The following F11 variants were observed in gnomAD, a reference collection of about 807,000 sequenced individuals.
F11 encodes coagulation factor XI, also known as coagualtion factor XI.
F11 carries 78 observed loss-of-function variants against 76.5 expected under a neutral mutation model. That is an observed-to-expected ratio of 1.02 (90% CI 0.85 to 1.23). The LOEUF is 1.23. F11 is among the 50% of genes most tolerant of loss of function. The pLI, the probability that F11 is intolerant of heterozygous loss-of-function variation, is 0.00. For synonymous variants in F11, 278 were observed against 276.3 expected, an observed-to-expected ratio of 1.01 and a Z score of -0.06; for missense variants, 742 against 771.4, an observed-to-expected ratio of 0.96 and a Z score of 0.45.
chr4:186,272,070 G>T (rs1288911731), intron 3 of F11, among the ~76,000 whole-genome samples: 1 of 151,454 alleles, frequency 6.6e-6, no homozygotes, highest in Non-Finnish European at 1.5e-5. Context: ...CTTTTCTATC[G>T]ATTATTAATT....
At chr4:186,272,679 C>A (rs1193304019) in intron 3 of F11, among the ~76,000 whole-genome samples, 1 of 152,164 alleles carries the variant, frequency 6.6e-6, no homozygotes, top group Non-Finnish European at 1.5e-5. Flanking sequence ...ATATGTTAGG[C>A]TTTGTGGGCA....
At chr4:186,286,014 T>C (rs1253958090) in intron 12 of F11, 3 of 644,978 alleles carry the variant, frequency 4.7e-6, no homozygotes, top group Non-Finnish European at 8.2e-6. Flanking sequence ...GGAATGTGGG[T>C]AAAGAGATAC....
chr4:186,273,436 A>C (rs1244350571), intron 4 of F11, among the ~76,000 whole-genome samples: 4 of 152,046 alleles, frequency 2.6e-5, no homozygotes, highest in African/African-American at 9.7e-5. Flanking sequence ...TCTATTTCCC[A>C]GCCTAAAATC....
chr4:186,280,147 C>G (rs1324440975), intron 8 of F11, 26 bp downstream of exon 8: 1 of 1,613,768 alleles, frequency 6.2e-7, no homozygotes, highest in Non-Finnish European at 8.5e-7. Flanking sequence ...TGCATTCTGG[C>G]TGAGAGTGAC....
chr4:186,267,395 A>G (rs919577638), intron 2 of F11, among the ~76,000 whole-genome samples: 2 of 152,242 alleles, frequency 1.3e-5, no homozygotes, highest in Non-Finnish European at 2.9e-5. Context: ...ATCTGTGTCT[A>G]TATGTGTACC....
intron 5 of F11, 89 bp from the exon 6 acceptor site, chr4:186,275,698 C>T: frequency 1.0e-6 from 1 of 971,870 alleles, no homozygotes; most frequent in Non-Finnish European, 1.6e-6. Flanking sequence ...CGCAGGTCCT[C>T]TCTCCAAAGG....
chr4:186,280,544 T>A lies in F11; in HGVS notation c.1099T>A (p.Ser367Thr). The change falls in exon 10 of 15, where the codon TCT becomes ACT. Residue 367 changes from serine to threonine, a missense_variant. Physicochemically the swap from Ser to Thr is moderately conservative, Grantham distance 58 (BLOSUM62 1). Coordinates refer to ENST00000403665, the MANE Select transcript of F11 (RefSeq NM_000128.4). ...AATACTTCACGGGAGAGGAGGCATCTCTGGATACACATTAAGGTTGTGTAA... is the reference window on the plus strand; with the variant it reads ...AATACTTCACGGGAGAGGAGGCATCACTGGATACACATTAAGGTTGTGTAA... The part of the protein sequence containing the change: ...TKILHGRGGI[S>T]GYTLRLCKMD... 6.2e-7 allele frequency: 1 copy of A among 1,614,144 alleles called. No individual in the cohort carries two copies. Among genetic ancestry groups the A allele is most frequent in the African/African-American group, 1.3e-5 (1 of 75,054 alleles).
chr4:186,270,521 A>G lies in F11; in HGVS notation c.56-1088A>G, dbSNP rs1015926600. On this transcript the variant is annotated intron_variant, in intron 2 of 14. Coordinates refer to ENST00000403665, the MANE Select transcript of F11 (RefSeq NM_000128.4). ...CCAAGTAGTGAACACAGCCTCCAAC[A>G]GGTAATTTTTCAACGCTCACCCCAC... Among the ~76,000 whole-genome samples the G allele has an allele frequency of 9.2e-5, 14 of 152,100 alleles. No individual in the cohort carries two copies. In the East Asian group the frequency reaches 2.7e-3, roughly 29 times the overall value.
At chr4:186,285,210 A>C (rs1459792103) in intron 11 of F11, among the ~76,000 whole-genome samples, 1 of 152,282 alleles carries the variant, frequency 6.6e-6, no homozygotes, top group African/African-American at 2.4e-5. Flanking sequence ...TCAAGAACAC[A>C]TGTGAGGCCA....
At position 186,288,804 on chromosome 4, in the gene F11, G is replaced by A. The variant is rs1741400862; in HGVS notation, c.*190G>A. ...CCAAAACTCCCGTTCTATGATCGTTGTAGTTTGTTTGAGCATTCAGTCTCT... is the reference window on the plus strand; with the variant it reads ...CCAAAACTCCCGTTCTATGATCGTTATAGTTTGTTTGAGCATTCAGTCTCT... On this transcript the variant is annotated 3_prime_UTR_variant, in exon 15 of 15. Transcript: ENST00000403665. The A allele has an allele frequency of 1.5e-6, 1 of 647,570 alleles. No individual in the cohort carries two copies. Among genetic ancestry groups the A allele is most frequent in the Non-Finnish European group, 2.7e-6 (1 of 372,724 alleles). 40.1% of individuals were successfully genotyped at this position (647,570 alleles called of 1,614,324 possible).
Position 186,282,097 on chromosome 4 carries a change from C to T in F11, c.1135+1517C>T, listed in dbSNP as rs1052749535. The stretch of plus-strand genomic sequence containing the variant: ...CTGTTGTCTTTCTTCTACTTCTAAG[C>T]GTTAGAAGGGACACTTAGCAAATGT... On this transcript the variant is annotated intron_variant, in intron 10 of 14. Transcript: ENST00000403665. 7.1e-5 allele frequency: 84 copies of T among 1,175,302 alleles called. 1 individual carries two copies. In the South Asian group the frequency reaches 1.1e-3, roughly 15 times the overall value. 72.8% of individuals were successfully genotyped at this position (1,175,302 alleles called of 1,614,324 possible).
At chr4:186,274,697 T>TC in intron 5 of F11, 1 of 239,998 alleles carries the variant, frequency 4.2e-6, no homozygotes, top group East Asian at 1.0e-4. Context: ...AAAAGTCTTA[T>TC]CCTGCTCCAT....
intron 6 of F11, 103 bp from the exon 7 acceptor site, chr4:186,276,128 G>A (rs1740355379): frequency 2.2e-6 from 3 of 1,344,234 alleles, no homozygotes; most frequent in African/African-American, 2.9e-5. Flanking sequence ...AAAGATCTTG[G>A]GATACACTTA....
Position 186,276,281 on chromosome 4 carries a change from G to A in F11, c.646G>A (p.Asp216Asn). 18 of 1,614,078 alleles carry A rather than the reference G, an allele frequency of 1.1e-5. No individual in the cohort carries two copies. The highest frequency in any genetic ancestry group is 1.3e-5 in the African/African-American group (1 of 75,002). Residue 216 changes from aspartate (D) to asparagine (N), a missense_variant, in exon 7 of 15, where the codon GAC (aspartate) becomes AAC (asparagine). By Grantham distance (23) the Asp-to-Asn change is conservative. Coordinates refer to ENST00000403665, the MANE Select transcript of F11 (RefSeq NM_000128.4). ...PNTVFADSNI[D>N]SVMAPDAFVC... Reference sequence around the variant, plus strand: ...TACGGTGTTTGCAGACAGCAACATCGACAGTGTCATGGCTCCCGATGCTTT... The same window carrying A: ...TACGGTGTTTGCAGACAGCAACATCAACAGTGTCATGGCTCCCGATGCTTT...
chr4:186,286,491 G>A lies in F11; in HGVS notation c.1557G>A (p.Trp519Ter). The A allele has an allele frequency of 1.2e-6, 2 of 1,613,842 alleles. No individual in the cohort carries two copies. Among genetic ancestry groups the A allele is most frequent in the African/African-American group, 1.3e-5 (1 of 75,020 alleles). Residue 519 changes from tryptophan (W) to a stop codon, truncating the protein, a stop_gained, in exon 13 of 15, where the codon TGG becomes TGA. Transcript: ENST00000403665. LOFTEE classifies it high-confidence loss of function. Reference protein sequence around the residue: ...VIYTDCWVTGWGYRKLRDKIQ... With the variant: ...VIYTDCWVTG ...ACACTGATTGCTGGGTGACTGGATG[G>A]GGGTACAGAAAACTAAGAGGTAAAA...
chr4:186,278,472 C>T (rs992613780), intron 7 of F11, among the ~76,000 whole-genome samples: 9 of 152,116 alleles, frequency 5.9e-5, no homozygotes, highest in Admixed American at 2.6e-4. Flanking sequence ...TGAACTAAAT[C>T]GACAAAAACT....
In F11 at chr4:186,288,357, C is replaced by T. The variant is rs1741370014; in HGVS notation, c.1717-96C>T. The T allele has an allele frequency of 2.0e-6, 3 of 1,523,988 alleles. No homozygotes were observed. The African/African-American group carries it at 4.1e-5, about 21-fold the overall frequency. The allele number at this position is 1,523,988 out of a possible 1,614,324, so 94.4% of individuals were successfully genotyped here. A position where few individuals can be genotyped will look rare whatever the true frequency, so the allele number is the denominator to read the frequency against. ...TCTGCAGTATATTAAGGGGCCAAGA[C>T]AACATTTTAGGCAAAATCAGCCTGA... On this transcript the variant is annotated intron_variant, in intron 14 of 14. Transcript: ENST00000403665.
At chr4:186,287,913 G>T (rs1741332764) in intron 14 of F11, 90 bp downstream of exon 14, 2 of 1,453,630 alleles carry the variant, frequency 1.4e-6, no homozygotes, top group South Asian at 1.2e-5. Context: ...TTTTTTGTTT[G>T]TTTTTTTTTG....
At chr4:186,282,293 A>G in intron 10 of F11, 1 of 985,414 alleles carries the variant, frequency 1.0e-6, no homozygotes, top group African/African-American at 1.7e-5. Flanking sequence ...ATTGATAGCT[A>G]CAGGAGAAAA....
Sources: allele counts gnomAD v4.1 joint callset (sites outside exome capture counted in the v4.1 genomes callset), GRCh38; gene constraint gnomAD v4.1.1; transcripts MANE v1.5; gene names NCBI Gene and HGNC (gene_info 2026-07-23, HGNC 2026-07-21).